TAF1: variants seen among roughly 807,000 people sequenced by gnomAD.
TAF1 encodes the protein transcription initiation factor TFIID subunit 1.
In TAF1, 2 loss-of-function variants were observed where a neutral mutation model predicts 138.5. The observed-to-expected ratio is 0.01, with a 90% CI of 0.01 to 0.05. The LOEUF (loss-of-function observed/expected upper bound fraction) is 0.05. TAF1 is among the 10% of genes least tolerant of loss of function. The pLI, the probability that TAF1 is intolerant of heterozygous loss-of-function variation, is 1.00. For synonymous variants in TAF1, 437 were observed against 503.2 expected (o/e 0.87, Z 1.76); for missense variants, 709 against 1,478.0 (o/e 0.48, Z 8.53).
chrX:71,372,181 C>T (rs765564146), intron 3 of TAF1, among the ~76,000 whole-genome samples: 1 of 110,875 alleles, frequency 9.0e-6, no homozygotes, highest in South Asian at 3.8e-4. Flanking sequence ...CCTGTAATCC[C>T]AGCACTTTGG....
chrX:71,432,902 C>T (rs2036960917), intron 32 of TAF1, among the ~76,000 whole-genome samples: 1 of 112,071 alleles, frequency 8.9e-6, no homozygotes, highest in African/African-American at 3.2e-5. Flanking sequence ...TTTATATCCC[C>T]TCTCCAATCT....
At chrX:71,375,385 A>G (rs1043440005) in intron 4 of TAF1, 99 bp downstream of exon 4, 4 of 1,026,784 alleles carry the variant, frequency 3.9e-6, no homozygotes, top group Non-Finnish European at 5.1e-6. Context: ...GCTTATATGA[A>G]GGGACAAAAC....
At chrX:71,417,086 GA>G (rs1191700550) in intron 28 of TAF1, among the ~76,000 whole-genome samples, 1 of 109,868 alleles carries the variant, frequency 9.1e-6, no homozygotes, top group African/African-American at 3.3e-5. Flanking sequence ...TTGAGAGGTG[GA>G]GTTTTCAAGA....
At chrX:71,379,400 C>T (rs1441985454) in intron 8 of TAF1, among the ~76,000 whole-genome samples, 1 of 108,759 alleles carries the variant, frequency 9.2e-6, no homozygotes, top group East Asian at 2.9e-4. Flanking sequence ...CAGGTGTGAG[C>T]CACCACGCCC....
intron 20 of TAF1, 34 bp downstream of exon 20, chrX:71,393,028 AG>A (rs770984023): frequency 8.3e-7 from 1 of 1,203,766 alleles, no homozygotes; most frequent in East Asian, 3.0e-5. Context: ...AGAGTATACT[AG>A]GGGCTTTGTA....
chrX:71,456,706 G>A (rs1333586147), intron 34 of TAF1, among the ~76,000 whole-genome samples: 1 of 51,155 alleles, frequency 2.0e-5, no homozygotes, highest in African/African-American at 8.6e-5. Context: ...ACCGAGTTTT[G>A]CTCTTGTCAC....
chrX:71,370,704 G>A (rs775235659), intron 3 of TAF1, among the ~76,000 whole-genome samples: 1 of 111,450 alleles, frequency 9.0e-6, no homozygotes, highest in Non-Finnish European at 1.9e-5. Flanking sequence ...CCACCTCTTC[G>A]AACTAGATTT....
intron 22 of TAF1, 35 bp from the exon 23 acceptor site, chrX:71,397,218 G>A: frequency 8.4e-7 from 1 of 1,183,814 alleles, no homozygotes; most frequent in Non-Finnish European, 1.1e-6. Context: ...GGAGATAAGG[G>A]GAACGTTTGG....
intron 13 of TAF1, chrX:71,528,183 G>T: frequency 4.8e-6 from 1 of 209,292 alleles, no homozygotes; most frequent in African/African-American, 3.0e-5. Flanking sequence ...AGTCATTATG[G>T]CTATCTGGGA....
chrX:71,525,614 T>G (rs1345655856), intron 13 of TAF1, among the ~76,000 whole-genome samples: 1 of 111,532 alleles, frequency 9.0e-6, no homozygotes, highest in Non-Finnish European at 1.9e-5. Flanking sequence ...TGGTTCCAAA[T>G]TACTTGAGAC....
chrX:71,367,054 T>G (rs887344371), intron 1 of TAF1, among the ~76,000 whole-genome samples: 1 of 112,184 alleles, frequency 8.9e-6, no homozygotes, highest in African/African-American at 3.2e-5. Flanking sequence ...GAAACTACCC[T>G]GCCTTCACTT....
In TAF1 at chrX:71,463,883, G is replaced by A. The variant is rs979191953; in HGVS notation, c.5459G>A (p.Ser1820Asn). The A allele has an allele frequency of 8.3e-7, 1 of 1,211,059 alleles. No homozygotes were observed. Among genetic ancestry groups the A allele is most frequent in the East Asian group, 3.0e-5 (1 of 33,848 alleles). Reference sequence around the variant, plus strand: ...AACACCCAAGACACAAGCTTCAGCAGCATCGGTGGGTATGAGGTATCAGAG... The same window carrying A: ...AACACCCAAGACACAAGCTTCAGCAACATCGGTGGGTATGAGGTATCAGAG... ...KSNTQDTSFS[S>N]IGGYEVSEEE... Residue 1820 changes from serine (S) to asparagine (N), a missense_variant, in exon 38 of 38, where the codon AGC becomes AAC. Around this residue, in one of 14 missense-constraint regions of TAF1, gnomAD observed 123 missense variants for 174.7 expected, o/e 0.70. Coordinates refer to ENST00000423759, the MANE Select transcript of TAF1 (RefSeq NM_004606.5).
intron 4 of TAF1, among the ~76,000 whole-genome samples, chrX:71,376,654 A>G (rs1158441962): frequency 9.3e-6 from 1 of 107,144 alleles, no homozygotes; most frequent in African/African-American, 3.5e-5. Context: ...GCGACAGAGC[A>G]AGACTCTGTC....
intron 32 of TAF1, among the ~76,000 whole-genome samples, chrX:71,430,972 T>G (rs926418544): frequency 1.0e-4 from 11 of 108,371 alleles, no homozygotes; most frequent in Middle Eastern, 9.5e-3. Flanking sequence ...TAATAGGTAG[T>G]TAGCTGTGTA....
intron 18 of TAF1, 72 bp from the exon 19 acceptor site, chrX:71,392,497 A>C: frequency 9.4e-7 from 1 of 1,059,932 alleles, no homozygotes; most frequent in Non-Finnish European, 1.2e-6. Flanking sequence ...TAATTATTCT[A>C]CTCTTGTAGA....
intron 32 of TAF1, among the ~76,000 whole-genome samples, chrX:71,435,027 C>T (rs1409177465): frequency 8.9e-6 from 1 of 112,258 alleles, no homozygotes; most frequent in African/African-American, 3.2e-5. Flanking sequence ...TAGTCTGAAC[C>T]AATAGGTGAT....
chrX:71,467,845 A>G (rs370529258), downstream of TAF1, among the ~76,000 whole-genome samples: 1 of 112,241 alleles, frequency 8.9e-6, no homozygotes, highest in East Asian at 2.8e-4. Context: ...TAAACACAGT[A>G]TACCTTTAAA....
At position 71,377,889 on chromosome X, in the gene TAF1, A is replaced by C; in HGVS notation, c.933+68A>C. The C allele has an allele frequency of 5.8e-6, 6 of 1,031,960 alleles. No individual in the cohort carries two copies. In the South Asian group the frequency reaches 1.4e-4, roughly 24 times the overall value. 85.0% of individuals were successfully genotyped at this position (1,031,960 alleles called of 1,213,427 possible). A position where few individuals can be genotyped will look rare whatever the true frequency, so the allele number is the denominator to read the frequency against. On this transcript the variant is annotated intron_variant, in intron 6 of 37. Transcript: ENST00000423759. ...CAAATGAATTCAATGAGTTCTCCCT[A>C]ATTTATGTCTAAATTGTAAATAATA...
intron 28 of TAF1, among the ~76,000 whole-genome samples, chrX:71,413,634 C>G (rs986501177): frequency 3.6e-5 from 4 of 111,391 alleles, no homozygotes; most frequent in Non-Finnish European, 3.8e-5. Context: ...TCTCCAGCCC[C>G]ATACCTCTCT....
Sources: allele counts gnomAD v4.1 joint callset (sites outside exome capture counted in the v4.1 genomes callset), GRCh38; gene constraint gnomAD v4.1.1; regional missense constraint gnomAD v4.1.1; transcripts MANE v1.5; gene names NCBI Gene and HGNC (gene_info 2026-07-23, HGNC 2026-07-21).